The following CTNNA3 variants were observed in gnomAD, a reference collection of about 807,000 sequenced individuals.
The protein encoded by CTNNA3 is catenin alpha 3.
A neutral mutation model predicts 95.7 loss-of-function variants in CTNNA3; 76 were observed. The ratio of observed to expected loss-of-function variants is 0.79; its 90% CI spans 0.66 to 0.96. The LOEUF is 0.96. Among genes scored for constraint, CTNNA3 ranks in the 40% least tolerant of loss-of-function variants. The pLI is 0.00. For synonymous variants in CTNNA3, 431 were observed against 374.4 expected (o/e 1.15, Z -1.74); for missense variants, 1,191 against 1,089.8 (o/e 1.09, Z -1.31).
chr10:66,775,305 T>C, intron 8 of CTNNA3, 139 bp downstream of exon 8: 1 of 566,012 alleles, frequency 1.8e-6, no homozygotes, highest in Non-Finnish European at 3.1e-6. Context: ...TATATAAATG[T>C]GGAAAGTATA....
intron 11 of CTNNA3, among the ~76,000 whole-genome samples, chr10:66,387,537 C>T (rs1021694836): frequency 3.9e-5 from 6 of 152,026 alleles, no homozygotes; most frequent in African/African-American, 7.2e-5. Flanking sequence ...GATATTGTGG[C>T]GATTCCTCAA....
chr10:66,682,013 T>C (rs1198736136), intron 9 of CTNNA3, among the ~76,000 whole-genome samples: 1 of 152,200 alleles, frequency 6.6e-6, no homozygotes, highest in African/African-American at 2.4e-5. Context: ...TAGAAACCTG[T>C]GGGCGTGTCA....
intron 1 of CTNNA3, among the ~76,000 whole-genome samples, chr10:67,660,145 G>T (rs1840137475): frequency 6.6e-6 from 1 of 152,152 alleles, no homozygotes; most frequent in Admixed American, 6.5e-5. Flanking sequence ...AAAAGTCTCT[G>T]CTAGAATCTT....
chr10:66,214,770 C>T (rs1321429075), intron 13 of CTNNA3, among the ~76,000 whole-genome samples: 5 of 152,168 alleles, frequency 3.3e-5, no homozygotes, highest in Middle Eastern at 3.4e-3. Flanking sequence ...AGGAACTGAG[C>T]AGCTTCCTAG....
intron 7 of CTNNA3, among the ~76,000 whole-genome samples, chr10:66,950,471 G>C (rs940895607): frequency 6.6e-6 from 1 of 152,014 alleles, no homozygotes; most frequent in African/African-American, 2.4e-5. Flanking sequence ...ACACTTGTGA[G>C]AGTCTCACTG....
At chr10:67,097,040 G>A (rs1320835273) in intron 7 of CTNNA3, among the ~76,000 whole-genome samples, 2 of 151,844 alleles carry the variant, frequency 1.3e-5, no homozygotes, top group East Asian at 3.9e-4. Flanking sequence ...TGGATTAATA[G>A]TCCAGCATCA....
intron 11 of CTNNA3, among the ~76,000 whole-genome samples, chr10:66,468,801 C>A (rs2135699): frequency 6.6e-6 from 1 of 151,644 alleles, no homozygotes; most frequent in Non-Finnish European, 1.5e-5. Context: ...GCACTTATAA[C>A]GCCACAGTCC....
intron 15 of CTNNA3, among the ~76,000 whole-genome samples, chr10:66,010,683 AT>A (rs2078989696): frequency 6.6e-6 from 1 of 152,186 alleles, no homozygotes; most frequent in Non-Finnish European, 1.5e-5. Flanking sequence ...GAGATGTATG[AT>A]TTAATTTTCC....
chr10:67,472,499 T>TA (rs1375054349), intron 5 of CTNNA3, among the ~76,000 whole-genome samples: 12 of 152,232 alleles, frequency 7.9e-5, no homozygotes, highest in African/African-American at 2.9e-4. Flanking sequence ...ATTAGCATGC[T>TA]AAAAAACACT....
intron 1 of CTNNA3, among the ~76,000 whole-genome samples, chr10:67,680,082 A>G (rs1237530961): frequency 6.6e-6 from 1 of 152,218 alleles, no homozygotes; most frequent in Non-Finnish European, 1.5e-5. Context: ...TTGGATGTCA[A>G]TTGAGTAACA....
At chr10:67,683,106 T>A (rs1300213152) in intron 1 of CTNNA3, among the ~76,000 whole-genome samples, 1 of 152,228 alleles carries the variant, frequency 6.6e-6, no homozygotes, top group Non-Finnish European at 1.5e-5. Context: ...TATCACAGAC[T>A]ATTTGATTCT....
intron 12 of CTNNA3, among the ~76,000 whole-genome samples, chr10:66,307,820 T>C (rs1331039567): frequency 6.6e-6 from 1 of 152,194 alleles, no homozygotes; most frequent in East Asian, 1.9e-4. Context: ...ATGGAGAACA[T>C]TAGTTTCTTA....
chr10:66,489,189 T>C (rs370381454), intron 11 of CTNNA3, among the ~76,000 whole-genome samples: 1 of 152,232 alleles, frequency 6.6e-6, no homozygotes, highest in African/African-American at 2.4e-5. Flanking sequence ...AGAGGTCAGA[T>C]TATCAAAATT....
intron 7 of CTNNA3, among the ~76,000 whole-genome samples, chr10:66,970,298 T>C (rs1293987741): frequency 6.6e-6 from 1 of 152,160 alleles, no homozygotes; most frequent in Non-Finnish European, 1.5e-5. Context: ...AGTTACTCTG[T>C]TGTATTTTCA....
Position 67,683,547 on chromosome 10 carries a change from G to A in CTNNA3, c.-6+12453C>T, listed in dbSNP as rs146870255. ...TCTTTGAACTGATGCCACCCCTAGAGGCCTCATCAACTGAGAATTGGTAAT... is the reference window on the plus strand; with the variant it reads ...TCTTTGAACTGATGCCACCCCTAGAAGCCTCATCAACTGAGAATTGGTAAT... On this transcript the variant is annotated intron_variant, in intron 1 of 17. Transcript: ENST00000433211. Among the ~76,000 whole-genome samples the A allele has an allele frequency of 1.5e-3, 233 of 152,240 alleles. 8 individuals are homozygous for A. The East Asian group carries it at 0.025, about 16-fold the overall frequency.
At chr10:67,646,528 AT>A (rs902353302) in intron 2 of CTNNA3, among the ~76,000 whole-genome samples, 5 of 152,124 alleles carry the variant, frequency 3.3e-5, no homozygotes, top group African/African-American at 9.7e-5. Context: ...ATTGATAAAA[AT>A]ATGTAAACTT....
chr10:67,590,510 C>T (rs185018374), intron 3 of CTNNA3, among the ~76,000 whole-genome samples: 215 of 152,200 alleles, frequency 1.4e-3, no homozygotes, highest in African/African-American at 4.8e-3. Flanking sequence ...AATTTACATT[C>T]CCACAAGCAA....
chr10:66,949,514 C>T (rs906856490), intron 7 of CTNNA3, among the ~76,000 whole-genome samples: 15 of 151,442 alleles, frequency 9.9e-5, no homozygotes, highest in Non-Finnish European at 1.3e-4. Flanking sequence ...GCCAAGATCG[C>T]GCCATTGGAC....
At chr10:66,972,058 C>T (rs1329903116) in intron 7 of CTNNA3, among the ~76,000 whole-genome samples, 1 of 152,074 alleles carries the variant, frequency 6.6e-6, no homozygotes, top group Non-Finnish European at 1.5e-5. Context: ...TTTATAATAT[C>T]TTGAACTCTA....
Sources: gnomAD v4.1 joint callset for allele counts (sites outside exome capture counted in the v4.1 genomes callset) on GRCh38, gnomAD v4.1.1 for gene constraint, MANE v1.5 for transcripts, NCBI Gene and HGNC (gene_info 2026-07-23, HGNC 2026-07-21) for gene names.